GNAL: variants seen among roughly 807,000 people sequenced by gnomAD.
GNAL encodes guanine nucleotide-binding protein G(olf) subunit alpha.
In GNAL, 18 loss-of-function variants were observed where a neutral mutation model predicts 55.1. That is an observed-to-expected ratio of 0.33 (90% CI 0.23 to 0.48). GNAL has a LOEUF of 0.48. Ranked by LOEUF, GNAL falls within the 20% of genes least tolerant of loss-of-function variation. The probability of loss-of-function intolerance (pLI) is 0.99; values close to 1 mark genes in which losing one functional copy is unlikely to be tolerated. For missense variants in GNAL, 412 were observed against 614.1 expected (o/e 0.67, Z 3.48); for synonymous variants, 253 against 237.0 (o/e 1.07, Z -0.62).
chr18:11,727,755 G>A (rs79414150), intron 1 of GNAL, among the ~76,000 whole-genome samples: 8,116 of 152,260 alleles, frequency 0.053, 740 homozygotes, highest in African/African-American at 0.18. Flanking sequence ...AAGGCAAAAA[G>A]TGGGGAAAGA....
At chr18:11,793,132 G>GC (rs756463547) in intron 4 of GNAL, among the ~76,000 whole-genome samples, 20 of 152,074 alleles carry the variant, frequency 1.3e-4, no homozygotes, top group Non-Finnish European at 1.9e-4. Flanking sequence ...AAAAGCTTGA[G>GC]CAACAAAGGA....
rs1326433733 is a variant in GNAL at position 11,689,437 on chromosome 18, G to C, written c.-127G>C. ...GCTGGCGGCCGGCAGCGCCGAACAG[G>C]GTCCGGGTGCAGCCCCCTCCCGCCC... On this transcript the variant is annotated 5_prime_UTR_variant, in exon 1 of 12. Coordinates refer to ENST00000334049, the MANE Select transcript of GNAL (RefSeq NM_182978.4). The C allele has an allele frequency of 7.5e-6, 3 of 399,578 alleles. No individual in the cohort carries two copies. Among genetic ancestry groups the C allele is most frequent in the Non-Finnish European group, 1.3e-5 (3 of 236,094 alleles). The allele number at this position is 399,578 out of a possible 1,614,324, so 24.8% of individuals were successfully genotyped here. A position where few individuals can be genotyped will look rare whatever the true frequency, so the allele number is the denominator to read the frequency against.
intron 5 of GNAL, among the ~76,000 whole-genome samples, chr18:11,835,127 A>G (rs2035471913): frequency 6.6e-6 from 1 of 152,238 alleles, no homozygotes; most frequent in Non-Finnish European, 1.5e-5. Context: ...CTCAGCAGAT[A>G]TACACTTAAG....
chr18:11,707,880 C>T (rs982775539), intron 1 of GNAL, among the ~76,000 whole-genome samples: 12 of 152,232 alleles, frequency 7.9e-5, no homozygotes, highest in African/African-American at 2.2e-4. Flanking sequence ...CCTTAGACCT[C>T]ATGAATCAAC....
intron 5 of GNAL, among the ~76,000 whole-genome samples, chr18:11,825,291 C>T (rs1436885836): frequency 6.6e-6 from 1 of 152,104 alleles, no homozygotes; most frequent in African/African-American, 2.4e-5. Flanking sequence ...GAGCTATATG[C>T]ATATTGGTAA....
intron 1 of GNAL, chr18:11,747,629 A>AGGGGTACTGGGGATGGAT (rs2032718482): frequency 6.7e-6 from 1 of 149,400 alleles, no homozygotes; most frequent in Non-Finnish European, 1.5e-5. Context: ...GGGGATGGAT[A>AGGGGTACTGGGGATGGAT]GGGGTACTGG....
intron 5 of GNAL, among the ~76,000 whole-genome samples, chr18:11,847,897 C>A (rs1036263945): frequency 1.3e-5 from 2 of 152,106 alleles, no homozygotes; most frequent in African/African-American, 4.8e-5. Flanking sequence ...AGGTTGTCAA[C>A]CTCAATGGAA....
rs572226152 is a variant in GNAL at position 11,822,132 on chromosome 18, T to C, written c.625-2786T>C. On this transcript the variant is annotated intron_variant, in intron 4 of 11. Coordinates refer to ENST00000334049, the MANE Select transcript of GNAL (RefSeq NM_182978.4). ...GCGGCTCCGGAGAGGCCCAGGGGCT[T>C]AGCGCGCCTGGCTTTCCACAGCCCG... Among the ~76,000 whole-genome samples the C allele has an allele frequency of 6.6e-5, 10 of 152,178 alleles. No homozygotes were observed. In the East Asian group the frequency reaches 1.9e-3, roughly 30 times the overall value.
At chr18:11,766,730 A>G (rs1484934546) in intron 4 of GNAL, among the ~76,000 whole-genome samples, 3 of 152,240 alleles carry the variant, frequency 2.0e-5, no homozygotes, top group Non-Finnish European at 4.4e-5. Context: ...TGCTGAGACC[A>G]AATGCCGGAG....
intron 4 of GNAL, among the ~76,000 whole-genome samples, chr18:11,763,824 C>T (rs1416603239): frequency 6.6e-6 from 1 of 152,196 alleles, no homozygotes; most frequent in East Asian, 1.9e-4. Context: ...ACTTCCATTT[C>T]TCTCTATGCT....
intron 4 of GNAL, among the ~76,000 whole-genome samples, chr18:11,791,174 T>C (rs1235647828): frequency 6.6e-6 from 1 of 152,184 alleles, no homozygotes; most frequent in Non-Finnish European, 1.5e-5. Context: ...TGGCCATGGC[T>C]AAATGGTTTG....
intron 1 of GNAL, among the ~76,000 whole-genome samples, chr18:11,710,381 A>G (rs920688716): frequency 1.3e-5 from 2 of 152,232 alleles, no homozygotes; most frequent in East Asian, 1.9e-4. Context: ...ACACATTTTT[A>G]TATAGTTAGT....
chr18:11,689,982 G>A, intron 1 of GNAL, 43 bp downstream of exon 1: 2 of 1,152,992 alleles, frequency 1.7e-6, no homozygotes, highest in Non-Finnish European at 2.2e-6. Flanking sequence ...CGGGGACAGC[G>A]CGCCGGGCCC....
At chr18:11,758,661 T>G (rs2033140673) in intron 4 of GNAL, among the ~76,000 whole-genome samples, 1 of 152,182 alleles carries the variant, frequency 6.6e-6, no homozygotes, top group Non-Finnish European at 1.5e-5. Flanking sequence ...CTACAAATAA[T>G]GAATTGACAG....
intron 4 of GNAL, among the ~76,000 whole-genome samples, chr18:11,800,225 T>A (rs1262761995): frequency 6.6e-6 from 1 of 152,040 alleles, no homozygotes; most frequent in Non-Finnish European, 1.5e-5. Context: ...GGATGGATAA[T>A]ACAAGTGATG....
rs751300623 is a variant in GNAL, at chr18:11,884,242, T to G, written c.*3107T>G. The G allele has an allele frequency of 3.1e-5, 17 of 556,888 alleles. No individual in the cohort carries two copies. Among genetic ancestry groups the G allele is most frequent in the Non-Finnish European group, 4.8e-5 (15 of 313,034 alleles). The allele number at this position is 556,888 out of a possible 1,614,324, so 34.5% of individuals were successfully genotyped here. Reference sequence around the variant, plus strand: ...TGATAAAAATGAGAAAACAGATTTGTTGTAGAGTACCTGTCCACTTTTATA... The same window carrying G: ...TGATAAAAATGAGAAAACAGATTTGGTGTAGAGTACCTGTCCACTTTTATA... On this transcript the variant is annotated 3_prime_UTR_variant, in exon 12 of 12. Coordinates refer to ENST00000334049, the MANE Select transcript of GNAL (RefSeq NM_182978.4).
intron 4 of GNAL, among the ~76,000 whole-genome samples, chr18:11,758,952 C>T (rs1157824976): frequency 6.6e-6 from 1 of 151,992 alleles, no homozygotes; most frequent in East Asian, 1.9e-4. Context: ...GCAGGTCAAT[C>T]ACCTGAGGTC....
intron 1 of GNAL, among the ~76,000 whole-genome samples, chr18:11,719,066 T>C (rs1598410158): frequency 6.6e-6 from 1 of 152,204 alleles, no homozygotes; most frequent in Non-Finnish European, 1.5e-5. Context: ...TCAAGGCTGA[T>C]TGTCATTTGG....
intron 4 of GNAL, among the ~76,000 whole-genome samples, chr18:11,773,529 T>A (rs904560899): frequency 6.6e-6 from 1 of 151,680 alleles, no homozygotes; most frequent in East Asian, 1.9e-4. Flanking sequence ...ACTTGGGGAG[T>A]CCGAGGTTGG....
Sources: allele counts gnomAD v4.1 joint callset (sites outside exome capture counted in the v4.1 genomes callset), GRCh38; gene constraint gnomAD v4.1.1; transcripts MANE v1.5; gene names NCBI Gene and HGNC (gene_info 2026-07-23, HGNC 2026-07-21).